SNTG2: variants seen among roughly 807,000 people sequenced by gnomAD.
SNTG2 encodes syntrophin gamma 2.
In SNTG2, 74 loss-of-function variants were observed where a neutral mutation model predicts 70.9. The ratio of observed to expected loss-of-function variants is 1.04; its 90% CI spans 0.86 to 1.27. The LOEUF (loss-of-function observed/expected upper bound fraction) is 1.27, where lower values mean the gene tolerates loss of function less well. Ranked by LOEUF, SNTG2 falls within the 50% of genes most tolerant of loss-of-function variation. The pLI is 0.00. For missense variants in SNTG2, 717 were observed against 690.7 expected (o/e 1.04, Z -0.43); for synonymous variants, 278 against 273.8 (o/e 1.02, Z -0.15).
intron 1 of SNTG2, among the ~76,000 whole-genome samples, chr2:1,048,130 ATCATAG>A (rs1210184260): frequency 3.9e-5 from 6 of 152,126 alleles, no homozygotes; most frequent in African/African-American, 1.4e-4. Flanking sequence ...CCTTCACCTC[ATCATAG>A]TCATTCGCAT....
chr2:1,267,671 C>T (rs1572894438), intron 14 of SNTG2, 100 bp downstream of exon 14: 1 of 1,090,588 alleles, frequency 9.2e-7, no homozygotes, highest in East Asian at 2.6e-5. Flanking sequence ...AAAGAGGAAT[C>T]TTCAGAAGGT....
intron 9 of SNTG2, among the ~76,000 whole-genome samples, chr2:1,217,639 C>G (rs1355714646): frequency 6.6e-6 from 1 of 152,092 alleles, no homozygotes; most frequent in Non-Finnish European, 1.5e-5. Context: ...CTTATATAGA[C>G]ATTATGTAGT....
rs887888005 is a variant in SNTG2 at position 1,138,014 on chromosome 2, C to T, written c.411+205C>T. Reference sequence around the variant, plus strand: ...GTTGTGTGCTGACTGGGGCACTTCACGAGCATTCCTGTCAGGGATCCTCAC... The same window carrying T: ...GTTGTGTGCTGACTGGGGCACTTCATGAGCATTCCTGTCAGGGATCCTCAC... On this transcript the variant is annotated intron_variant, in intron 6 of 16. Coordinates refer to ENST00000308624, the MANE Select transcript of SNTG2 (RefSeq NM_018968.4). 5.9e-5 allele frequency among the ~76,000 whole-genome samples: 9 copies of T among 152,332 alleles called. No individual in the cohort carries two copies. The East Asian group carries it at 7.7e-4, about 13-fold the overall frequency.
chr2:986,234 C>A (rs2147972955), intron 1 of SNTG2, among the ~76,000 whole-genome samples: 1 of 152,280 alleles, frequency 6.6e-6, no homozygotes, highest in South Asian at 2.1e-4. Flanking sequence ...CCTGTACTCT[C>A]ATGGCCTGAG....
intron 9 of SNTG2, among the ~76,000 whole-genome samples, chr2:1,228,401 A>G (rs1163426720): frequency 6.6e-6 from 1 of 152,238 alleles, no homozygotes; most frequent in Non-Finnish European, 1.5e-5. Flanking sequence ...GGCCCCGTTC[A>G]GCACAGCTGT....
At chr2:988,421 C>T (rs188691893) in intron 1 of SNTG2, among the ~76,000 whole-genome samples, 1 of 152,292 alleles carries the variant, frequency 6.6e-6, no homozygotes, top group Non-Finnish European at 1.5e-5. Context: ...TAGAATTTTA[C>T]CACGTGGAGT....
intron 6 of SNTG2, among the ~76,000 whole-genome samples, chr2:1,146,085 A>G (rs1403157713): frequency 6.6e-6 from 1 of 152,212 alleles, no homozygotes; most frequent in Non-Finnish European, 1.5e-5. Context: ...AAAATCCCAC[A>G]GCTAACATCA....
intron 16 of SNTG2, among the ~76,000 whole-genome samples, chr2:1,327,390 G>A (rs1681805293): frequency 6.6e-6 from 1 of 152,074 alleles, no homozygotes; most frequent in African/African-American, 2.4e-5. Flanking sequence ...GGAAATGACT[G>A]ATATGTTCGA....
At position 1,239,731 on chromosome 2, in the gene SNTG2, T is replaced by C. The variant is rs757939542; in HGVS notation, c.850-7T>C. 10 of 1,613,092 alleles carry C rather than the reference T, an allele frequency of 6.2e-6. No homozygotes were observed. Among genetic ancestry groups the C allele is most frequent in the South Asian group, 1.1e-5 (1 of 90,638 alleles). ...GTGGCCCTGACTCTTCTGCCTTCTC[T>C]CCACAGATGAAGATGGCGAACAAAT... On this transcript the variant is annotated splice_region_variant and splice_polypyrimidine_tract_variant and intron_variant, in intron 10 of 16. Coordinates refer to ENST00000308624, the MANE Select transcript of SNTG2 (RefSeq NM_018968.4).
intron 8 of SNTG2, among the ~76,000 whole-genome samples, chr2:1,192,930 T>TAGTG (rs1248702318): frequency 6.6e-6 from 1 of 152,064 alleles, no homozygotes; most frequent in Non-Finnish European, 1.5e-5. Context: ...CCTCTGTGAG[T>TAGTG]AGTGGGTGGA....
chr2:956,636 G>C (rs970496782), intron 1 of SNTG2, among the ~76,000 whole-genome samples: 8 of 152,240 alleles, frequency 5.3e-5, no homozygotes, highest in African/African-American at 1.9e-4. Flanking sequence ...GTCTAGGAGG[G>C]AAGTGGCACC....
At chr2:1,355,170 T>C (rs1660776928) in intron 16 of SNTG2, among the ~76,000 whole-genome samples, 1 of 152,228 alleles carries the variant, frequency 6.6e-6, no homozygotes, top group African/African-American at 2.4e-5. Flanking sequence ...AATCACGTAA[T>C]CTTTCTGGTT....
At chr2:991,499 T>C (rs62106781) in intron 1 of SNTG2, among the ~76,000 whole-genome samples, 13,213 of 152,212 alleles carry the variant, frequency 0.087, 761 homozygotes, top group South Asian at 0.21. Context: ...TAGTTAATAC[T>C]TTACTAATCC....
intron 1 of SNTG2, among the ~76,000 whole-genome samples, chr2:1,058,590 T>A (rs1662613312): frequency 6.6e-6 from 1 of 152,186 alleles, no homozygotes. Context: ...GCTGTCTGCT[T>A]TTGTCTGATT....
At chr2:1,318,858 C>T (rs1681404547) in intron 16 of SNTG2, among the ~76,000 whole-genome samples, 1 of 152,134 alleles carries the variant, frequency 6.6e-6, no homozygotes, top group East Asian at 1.9e-4. Flanking sequence ...CGGAGGTCTA[C>T]GGTGGCCATG....
chr2:1,134,065 A>G (rs2148321601), intron 4 of SNTG2, among the ~76,000 whole-genome samples: 1 of 151,284 alleles, frequency 6.6e-6, no homozygotes, highest in East Asian at 2.0e-4. Context: ...TACAGCTCTT[A>G]AGGCGGTGCG....
In SNTG2 at chr2:1,250,574, CTGTCTT is replaced by C. The variant is rs368515646; in HGVS notation, c.1005+3143_1005+3148del. Among the ~76,000 whole-genome samples, 352 of 151,058 alleles carry C rather than the reference CTGTCTT, an allele frequency of 2.3e-3. 2 individuals are homozygous for C. Among genetic ancestry groups the C allele is most frequent in the Non-Finnish European group, 4.2e-3 (282 of 67,786 alleles). Reference sequence around the variant, plus strand: ...TCTCAAGGTCTCTCTCTTTCTCCATCTGTCTTTGTCTTTGTCTCTCTCTGTCTGACT... The same window carrying C: ...TCTCAAGGTCTCTCTCTTTCTCCATCTGTCTTTGTCTCTCTCTGTCTGACT... On this transcript the variant is annotated intron_variant, in intron 12 of 16. Transcript: ENST00000308624.
At chr2:965,283 GGACCCCAA>G (rs1660508459) in intron 1 of SNTG2, among the ~76,000 whole-genome samples, 1 of 143,226 alleles carries the variant, frequency 7.0e-6, no homozygotes, top group African/African-American at 2.7e-5. Context: ...CCTCCTCCTT[GGACCCCAA>G]TCCTCCTCCT....
chr2:977,434 G>T (rs959192210), intron 1 of SNTG2, among the ~76,000 whole-genome samples: 3 of 152,098 alleles, frequency 2.0e-5, no homozygotes, highest in African/African-American at 4.8e-5. Context: ...GGATTTAACT[G>T]ATTCCCCATT....
Sources: gnomAD v4.1 joint callset for allele counts (sites outside exome capture counted in the v4.1 genomes callset) on GRCh38, gnomAD v4.1.1 for gene constraint, MANE v1.5 for transcripts, NCBI Gene and HGNC (gene_info 2026-07-23, HGNC 2026-07-21) for gene names.